Variants in UBAC2 observed in about 807,000 individuals in gnomAD.
UBAC2 encodes the protein UBA domain containing 2, also known as ubiquitin-associated domain-containing protein 2.
Under a neutral mutation model 44.0 loss-of-function variants are expected in UBAC2, and 26 were observed. That is an observed-to-expected ratio of 0.59 (90% CI 0.43 to 0.82). UBAC2 has a LOEUF of 0.82. UBAC2 is among the 40% of genes least tolerant of loss of function. The pLI, the probability that UBAC2 is intolerant of heterozygous loss-of-function variation, is 0.00. For missense variants in UBAC2, 329 were observed against 419.4 expected (o/e 0.78, Z 1.88); for synonymous variants, 155 against 154.3 (o/e 1.00, Z -0.04).
chr13:99,213,111 C>T, intron 1 of UBAC2, among the ~76,000 whole-genome samples: 1 of 151,942 alleles, frequency 6.6e-6, no homozygotes, highest in Middle Eastern at 3.4e-3. Context: ...TATACATATA[C>T]CTATACATTT....
intron 6 of UBAC2, among the ~76,000 whole-genome samples, chr13:99,329,014 C>A (rs979263115): frequency 6.6e-6 from 1 of 152,146 alleles, no homozygotes. Context: ...AAGATTTATT[C>A]TTTTCCACAC....
chr13:99,270,608 A>G (rs2043803147), intron 4 of UBAC2, among the ~76,000 whole-genome samples: 2 of 152,224 alleles, frequency 1.3e-5, no homozygotes, highest in Non-Finnish European at 2.9e-5. Flanking sequence ...GTAAGTAGGG[A>G]ACGAGAGTTT....
chr13:99,242,675 C>G (rs1404017527), intron 2 of UBAC2, among the ~76,000 whole-genome samples: 13 of 2,822 alleles, frequency 4.6e-3, no homozygotes, highest in East Asian at 0.013. Context: ...GCTGGCCGGG[C>G]GGGGGGCTGA....
At chr13:99,377,231 G>A (rs143677600) in intron 8 of UBAC2, 2 of 152,558 alleles carry the variant, frequency 1.3e-5, no homozygotes, top group East Asian at 3.8e-4. Flanking sequence ...CCGTCTATGA[G>A]GGAGACCAGA....
At chr13:99,288,430 AT>A (rs1427845398) in intron 4 of UBAC2, among the ~76,000 whole-genome samples, 1 of 152,210 alleles carries the variant, frequency 6.6e-6, no homozygotes, top group Non-Finnish European at 1.5e-5. Flanking sequence ...CAGCTTTAAA[AT>A]TTTTGAGGAA....
intron 4 of UBAC2, among the ~76,000 whole-genome samples, chr13:99,301,457 C>T (rs2044255467): frequency 6.6e-6 from 1 of 152,218 alleles, no homozygotes; most frequent in South Asian, 2.1e-4. Context: ...CAGTAAGTTT[C>T]TTCCTCAGCA....
At chr13:99,251,304 G>T (rs1033196280) in intron 4 of UBAC2, among the ~76,000 whole-genome samples, 4 of 151,828 alleles carry the variant, frequency 2.6e-5, no homozygotes, top group Non-Finnish European at 1.5e-5. Context: ...TCTAGGTATA[G>T]AATCATATTG....
intron 4 of UBAC2, among the ~76,000 whole-genome samples, chr13:99,264,814 A>T (rs538925499): frequency 9.8e-5 from 15 of 152,302 alleles, no homozygotes; most frequent in African/African-American, 3.6e-4. Flanking sequence ...TGGAGGCTGC[A>T]TGGAAGCCTG....
chr13:99,380,259 C>T (rs574894620), intron 8 of UBAC2, among the ~76,000 whole-genome samples: 6 of 152,292 alleles, frequency 3.9e-5, no homozygotes, highest in South Asian at 2.1e-4. Context: ...CCTGACTGCA[C>T]GTCTGCGCAG....
At chr13:99,215,678 C>G (rs916670935) in intron 1 of UBAC2, 18 of 1,493,308 alleles carry the variant, frequency 1.2e-5, no homozygotes, top group Middle Eastern at 2.1e-4. Flanking sequence ...CCTCTGGGAA[C>G]TGCAAGCCGG....
At chr13:99,325,896 A>G (rs2044635878) in intron 6 of UBAC2, among the ~76,000 whole-genome samples, 3 of 152,202 alleles carry the variant, frequency 2.0e-5, no homozygotes, top group South Asian at 4.1e-4. Context: ...GCTGAATAGT[A>G]TTGCATTGTA....
intron 8 of UBAC2, among the ~76,000 whole-genome samples, chr13:99,368,205 C>A (rs887909176): frequency 1.3e-5 from 2 of 151,930 alleles, no homozygotes; most frequent in Non-Finnish European, 2.9e-5. Flanking sequence ...TGTGAAGGAT[C>A]GGGGACAAGG....
intron 1 of UBAC2, among the ~76,000 whole-genome samples, chr13:99,222,738 A>G (rs890027534): frequency 4.6e-5 from 7 of 152,208 alleles, no homozygotes; most frequent in African/African-American, 4.8e-5. Context: ...ATATAATGCT[A>G]GGTTTGATTT....
intron 4 of UBAC2, among the ~76,000 whole-genome samples, chr13:99,306,206 T>A (rs999989660): frequency 6.6e-6 from 1 of 152,128 alleles, no homozygotes; most frequent in Non-Finnish European, 1.5e-5. Flanking sequence ...TGATTCAGGG[T>A]CTTTATGTAA....
rs528843473 is a variant in UBAC2, at chr13:99,285,235, T to C, written c.390-28862T>C. Among the ~76,000 whole-genome samples the C allele has an allele frequency of 2.6e-5, 4 of 152,252 alleles. No homozygotes were observed. The South Asian group carries it at 8.3e-4, about 32-fold the overall frequency. On this transcript the variant is annotated intron_variant, in intron 4 of 8. Transcript: ENST00000403766. ...TTACATTTGCTTTTGCATTCGATTGTGGTGTGTCTTAAGTAGCTGCTGCTG... is the reference window on the plus strand; with the variant it reads ...TTACATTTGCTTTTGCATTCGATTGCGGTGTGTCTTAAGTAGCTGCTGCTG...
intron 7 of UBAC2, among the ~76,000 whole-genome samples, chr13:99,341,386 C>CTCAAGGACCTG (rs76143419): frequency 0.4 from 59,564 of 148,322 alleles, 12,984 homozygotes; most frequent in Non-Finnish European, 0.5. Flanking sequence ...CCTTAGAGTC[C>CTCAAGGACCTG]CATTGGAGAT....
intron 4 of UBAC2, among the ~76,000 whole-genome samples, chr13:99,286,033 A>C (rs1028637992): frequency 6.6e-6 from 1 of 152,212 alleles, no homozygotes; most frequent in African/African-American, 2.4e-5. Flanking sequence ...TCAGTGTGTC[A>C]GAGGAAACAG....
At chr13:99,383,792 C>A (rs967397731) in intron 8 of UBAC2, among the ~76,000 whole-genome samples, 2 of 152,264 alleles carry the variant, frequency 1.3e-5, no homozygotes, top group African/African-American at 4.8e-5. Flanking sequence ...TGAGCAGTGT[C>A]CACTGCGTGT....
intron 1 of UBAC2, among the ~76,000 whole-genome samples, chr13:99,225,186 AT>A: frequency 6.6e-6 from 1 of 152,172 alleles, no homozygotes; most frequent in Non-Finnish European, 1.5e-5. Context: ...AATCTTAACT[AT>A]TTTTGTGTAT....
Sources: allele counts gnomAD v4.1 joint callset (sites outside exome capture counted in the v4.1 genomes callset), GRCh38; gene constraint gnomAD v4.1.1; transcripts MANE v1.5; gene names NCBI Gene and HGNC (gene_info 2026-07-23, HGNC 2026-07-21).